AP3B2: variants seen among roughly 807,000 people sequenced by gnomAD.
AP3B2 encodes AP-3 complex subunit beta-2.
A neutral mutation model predicts 126.9 loss-of-function variants in AP3B2; 50 were observed. The ratio of observed to expected loss-of-function variants is 0.39; its 90% CI spans 0.31 to 0.50. AP3B2 has a LOEUF of 0.50. Ranked by LOEUF, AP3B2 falls within the 20% of genes least tolerant of loss-of-function variation. The probability of loss-of-function intolerance (pLI) is 0.79; values close to 1 mark genes in which losing one functional copy is unlikely to be tolerated. For missense variants in AP3B2, 1,177 were observed against 1,426.4 expected (o/e 0.83, Z 2.82); for synonymous variants, 541 against 565.0 (o/e 0.96, Z 0.60).
At position 82,665,648 on chromosome 15, in the gene AP3B2, G is replaced by A. The variant is rs1347236266; in HGVS notation, c.1853-73C>T. On this transcript the variant is annotated intron_variant, in intron 15 of 26. Transcript: ENST00000535359. The surrounding 1 kb of genome is among the most constrained non-coding windows in gnomAD (Gnocchi z 4.4). ...CTCTGGGAGCTGTTTTCCAGGTGGGGCTGGGTGGTGATTCTGGTTGGGACT... is the reference window on the plus strand; with the variant it reads ...CTCTGGGAGCTGTTTTCCAGGTGGGACTGGGTGGTGATTCTGGTTGGGACT... The A allele has an allele frequency of 1.6e-6, 2 of 1,267,838 alleles. No individual in the cohort carries two copies. The highest frequency in any genetic ancestry group is 3.0e-5 in the African/African-American group (2 of 67,750). 78.5% of individuals were successfully genotyped at this position (1,267,838 alleles called of 1,614,324 possible). A position where few individuals can be genotyped will look rare whatever the true frequency, so the allele number is the denominator to read the frequency against.
intron 4 of AP3B2, chr15:82,688,079 G>A (rs978853367): frequency 1.0e-5 from 2 of 197,364 alleles, no homozygotes; most frequent in African/African-American, 2.3e-5. Flanking sequence ...ACTCCAGCCT[G>A]GGCAACACAG....
chr15:82,689,669 G>T, intron 1 of AP3B2: 1 of 578,482 alleles, frequency 1.7e-6, no homozygotes, highest in Non-Finnish European at 3.1e-6. Flanking sequence ...TTCCTAAAAA[G>T]GATATATTTA....
intron 1 of AP3B2, among the ~76,000 whole-genome samples, chr15:82,695,374 T>C (rs1458515175): frequency 3.3e-5 from 5 of 152,124 alleles, no homozygotes; most frequent in Admixed American, 1.3e-4. Context: ...GCTGGGATTA[T>C]AGGCGTGAGC....
Position 82,709,663 on chromosome 15 carries a change from G to T in AP3B2, c.44C>A (p.Ala15Asp). Residue 15 changes from alanine to aspartate, a missense_variant, in exon 1 of 27, where the codon GCT becomes GAT. Ala to Asp is a moderately radical substitution (Grantham distance 126, BLOSUM62 -2). Coordinates refer to ENST00000535359, the MANE Select transcript of AP3B2 (RefSeq NM_001278512.2). Reference sequence around the variant, plus strand: ...GCCGTACTCGGGCTCCCCGGGGCCAGCGGAGCCGCCCTTGTCTTCGCTGTA... The same window carrying T: ...GCCGTACTCGGGCTCCCCGGGGCCATCGGAGCCGCCCTTGTCTTCGCTGTA... ...PAYSEDKGGS[A>D]GPGEPEYGHD... is the part of the protein sequence containing the mutation. 1 of 1,511,664 alleles carries T rather than the reference G, an allele frequency of 6.6e-7. No homozygotes were observed. The allele number at this position is 1,511,664 out of a possible 1,614,324, so 93.6% of individuals were successfully genotyped here.
intron 4 of AP3B2, chr15:82,687,729 TC>T (rs1253148310): frequency 6.6e-6 from 1 of 152,192 alleles, no homozygotes; most frequent in Non-Finnish European, 1.5e-5. Context: ...TGAGCAGCAA[TC>T]CTGTCTACCC....
At chr15:82,671,108 C>A (rs530677121) in intron 14 of AP3B2, among the ~76,000 whole-genome samples, 2 of 152,002 alleles carry the variant, frequency 1.3e-5, no homozygotes, top group Admixed American at 6.6e-5. Context: ...CACAGCGAAA[C>A]CCCATCTTTA....
chr15:82,662,957 C>CA, intron 22 of AP3B2, 35 bp from the exon 23 acceptor site: 1 of 1,591,370 alleles, frequency 6.3e-7, no homozygotes, highest in South Asian at 1.1e-5. Context: ...CAGAACTGAG[C>CA]AAGATGGAGA....
chr15:82,688,724 G>A lies in AP3B2; in HGVS notation c.360+12C>T. ...AGGCCCAGGCCCTGGGAGGCAAACT[G>A]AGACCCCTGACCTTTAGGCCACGTT... On this transcript the variant is annotated intron_variant, in intron 4 of 26. Coordinates refer to ENST00000535359, the MANE Select transcript of AP3B2 (RefSeq NM_001278512.2). 6.2e-7 allele frequency: 1 copy of A among 1,605,674 alleles called. No individual in the cohort carries two copies. The highest frequency in any genetic ancestry group is 8.5e-7 in the Non-Finnish European group (1 of 1,176,130).
rs919547052 is a variant in AP3B2, at chr15:82,704,995, C to T, written c.113+4599G>A. 5.3e-5 allele frequency among the ~76,000 whole-genome samples: 8 copies of T among 152,168 alleles called. 1 individual carries two copies. The South Asian group carries it at 1.4e-3, about 28-fold the overall frequency. ...ACTCCTTTTCAGTTATCCCCACCTG[C>T]GCAGTTCCCTTATTAGGCCGAGACA... On this transcript the variant is annotated intron_variant, in intron 1 of 26. Coordinates refer to ENST00000535359, the MANE Select transcript of AP3B2 (RefSeq NM_001278512.2).
At chr15:82,693,189 C>T (rs1187549966) in intron 1 of AP3B2, among the ~76,000 whole-genome samples, 1 of 118,268 alleles carries the variant, frequency 8.5e-6, no homozygotes, top group African/African-American at 3.4e-5. Context: ...TCTCCCCCCG[C>T]CCCCACCCCC....
chr15:82,692,446 G>A (rs2048555370), intron 1 of AP3B2: 1 of 351,302 alleles, frequency 2.8e-6, no homozygotes, highest in East Asian at 6.4e-5. Flanking sequence ...CTGTGGGAAC[G>A]AGAAGCAATT....
At position 82,661,699 on chromosome 15, in the gene AP3B2, G is replaced by A. The variant is rs117933613; in HGVS notation, c.3016+126C>T. On this transcript the variant is annotated intron_variant, in intron 25 of 26. Transcript: ENST00000535359. ...AGCCTAAAACATTTATCTTTGGCCCGTTACAGAAAGTTTGCTGACCCCTGG... is the reference window on the plus strand; with the variant it reads ...AGCCTAAAACATTTATCTTTGGCCCATTACAGAAAGTTTGCTGACCCCTGG... 2,010 of 712,298 alleles carry A rather than the reference G, an allele frequency of 2.8e-3. 40 individuals are homozygous for A. In the East Asian group the frequency reaches 0.038, roughly 13 times the overall value. The allele number at this position is 712,298 out of a possible 1,614,324, so 44.1% of individuals were successfully genotyped here.
intron 1 of AP3B2, among the ~76,000 whole-genome samples, chr15:82,701,188 T>G (rs1246331747): frequency 6.6e-6 from 1 of 152,098 alleles, no homozygotes; most frequent in Non-Finnish European, 1.5e-5. Context: ...TCTCCTCTCC[T>G]CCTGCCCTCT....
chr15:82,701,690 T>C (rs2048721512), intron 1 of AP3B2, among the ~76,000 whole-genome samples: 1 of 152,266 alleles, frequency 6.6e-6, no homozygotes, highest in Admixed American at 6.5e-5. Context: ...GCAAATAAGG[T>C]ACGATGTCAA....
chr15:82,668,418 G>A (rs952233043), intron 14 of AP3B2, among the ~76,000 whole-genome samples: 5 of 152,232 alleles, frequency 3.3e-5, no homozygotes, highest in Non-Finnish European at 7.3e-5. Context: ...GCCAGGGCTA[G>A]TGGATGCCCT....
rs1010785812 is a variant in AP3B2 at position 82,692,389 on chromosome 15, C to G, written c.114-2936G>C. The G allele has an allele frequency of 3.0e-5, 15 of 495,250 alleles. No individual in the cohort carries two copies. The South Asian group carries it at 3.9e-4, about 13-fold the overall frequency. 30.7% of individuals were successfully genotyped at this position (495,250 alleles called of 1,614,324 possible). A position where few individuals can be genotyped will look rare whatever the true frequency, so the allele number is the denominator to read the frequency against. ...CCTCCCAACGCCCCCTCCCCGCAATCCCCCCGCAGCGTCCCCGCGGGCTCT... is the reference window on the plus strand; with the variant it reads ...CCTCCCAACGCCCCCTCCCCGCAATGCCCCCGCAGCGTCCCCGCGGGCTCT... On this transcript the variant is annotated intron_variant, in intron 1 of 26. Coordinates refer to ENST00000535359, the MANE Select transcript of AP3B2 (RefSeq NM_001278512.2).
chr15:82,662,069 T>G lies in AP3B2; in HGVS notation c.2918+99A>C, dbSNP rs573706484. ...GATGGCTTCCAGACCCACCCAATCA[T>G]GATGTATCCCCACTAAGCACCACCT... is the stretch of plus-strand genomic sequence containing the variant. On this transcript the variant is annotated intron_variant, in intron 24 of 26. Coordinates refer to ENST00000535359, the MANE Select transcript of AP3B2 (RefSeq NM_001278512.2). 8.2e-5 allele frequency: 110 copies of G among 1,339,018 alleles called. 1 individual carries two copies. The East Asian group carries it at 2.4e-3, about 29-fold the overall frequency. The allele number at this position is 1,339,018 out of a possible 1,614,324, so 82.9% of individuals were successfully genotyped here.
chr15:82,666,626 G>T, intron 15 of AP3B2, 121 bp downstream of exon 15: 1 of 1,106,560 alleles, frequency 9.0e-7, no homozygotes, highest in Non-Finnish European at 1.3e-6. Context: ...GTGAGCCAGG[G>T]AGCAGGACTG....
chr15:82,689,079 C>T, intron 3 of AP3B2, 79 bp downstream of exon 3: 1 of 1,535,858 alleles, frequency 6.5e-7, no homozygotes, highest in Non-Finnish European at 9.0e-7. Flanking sequence ...GGGGCTAAAT[C>T]ATTTCCTTCC....
Sources: gnomAD v4.1 joint callset for allele counts (sites outside exome capture counted in the v4.1 genomes callset) on GRCh38, gnomAD v4.1.1 for gene constraint, Gnocchi (gnomAD v3.1) non-coding constraint, MANE v1.5 for transcripts, NCBI Gene and HGNC (gene_info 2026-07-23, HGNC 2026-07-21) for gene names.